The following CDH12 variants were observed in gnomAD, a reference collection of about 807,000 sequenced individuals.
The protein encoded by CDH12 is cadherin-12.
CDH12 carries 41 observed loss-of-function variants against 74.1 expected under a neutral mutation model. The observed-to-expected ratio is 0.55, with a 90% CI of 0.43 to 0.72. The LOEUF (loss-of-function observed/expected upper bound fraction) is 0.72. Among genes scored for constraint, CDH12 ranks in the 30% least tolerant of loss-of-function variants. The pLI, the probability that CDH12 is intolerant of heterozygous loss-of-function variation, is 0.00. For missense variants in CDH12, 945 were observed against 977.2 expected (o/e 0.97, Z 0.44); for synonymous variants, 399 against 355.0 (o/e 1.12, Z -1.39).
At chr5:21,774,801 A>T (rs1276164796) in intron 11 of CDH12, among the ~76,000 whole-genome samples, 1 of 152,246 alleles carries the variant, frequency 6.6e-6, no homozygotes. Context: ...ATTGACATCA[A>T]TTTGGAATTG....
At chr5:22,218,073 G>C (rs1010504714) in intron 3 of CDH12, among the ~76,000 whole-genome samples, 1 of 150,748 alleles carries the variant, frequency 6.6e-6, no homozygotes, top group Non-Finnish European at 1.5e-5. Flanking sequence ...AAATCAAAAA[G>C]AAAAAAAACT....
At position 22,153,863 on chromosome 5, in the gene CDH12, TATATATATGTATATATATATATATAA is replaced by T. The variant is rs1380132050; in HGVS notation, c.-187+58609_-187+58634del. On this transcript the variant is annotated intron_variant, in intron 4 of 14. Coordinates refer to ENST00000382254, the MANE Select transcript of CDH12 (RefSeq NM_004061.5). ...ATATACATATATGTGTGTGTGTATA[TATATATATGTATATATATATATATAA>T]ATATATATATATATACACACACATA... Among the ~76,000 whole-genome samples the T allele has an allele frequency of 2.1e-3, 129 of 62,038 alleles. 2 individuals are homozygous for T. The East Asian group carries it at 0.09, about 43-fold the overall frequency. 40.7% of individuals were successfully genotyped at this position (62,038 alleles called of 152,430 possible).
intron 3 of CDH12, among the ~76,000 whole-genome samples, chr5:22,309,278 A>T (rs983161679): frequency 3.3e-5 from 5 of 152,206 alleles, no homozygotes; most frequent in African/African-American, 1.2e-4. Context: ...TATGTTTCTA[A>T]ATGTTTCAAG....
chr5:22,345,606 A>T (rs2150459314), intron 3 of CDH12, among the ~76,000 whole-genome samples: 1 of 152,318 alleles, frequency 6.6e-6, no homozygotes, highest in Admixed American at 6.5e-5. Flanking sequence ...GCCATTACTG[A>T]TGGCTGTCAT....
At chr5:22,579,118 A>T (rs1191659576) in intron 1 of CDH12, among the ~76,000 whole-genome samples, 1 of 152,142 alleles carries the variant, frequency 6.6e-6, no homozygotes, top group African/African-American at 2.4e-5. Flanking sequence ...CTTAATCTCT[A>T]AATACTGGAA....
At chr5:22,327,469 T>G (rs2968388) in intron 3 of CDH12, among the ~76,000 whole-genome samples, 3 of 149,000 alleles carry the variant, frequency 2.0e-5, no homozygotes, top group Admixed American at 1.3e-4. Context: ...TGTGTGTGTG[T>G]GCATCTGTGT....
Position 21,941,808 on chromosome 5 carries a change from CTT to C in CDH12, c.526+33281_526+33282del, listed in dbSNP as rs61643635. On this transcript the variant is annotated intron_variant, in intron 6 of 14. Coordinates refer to ENST00000382254, the MANE Select transcript of CDH12 (RefSeq NM_004061.5). ...TTAATGGGGAGAACTGTGTGGCTGA[CTT>C]TTTTTTTTCCCAATCTAGCTTCCTC... Among the ~76,000 whole-genome samples the C allele has an allele frequency of 4.2e-3, 630 of 150,144 alleles. 3 individuals are homozygous for C. The highest frequency in any genetic ancestry group is 6.9e-3 in the Middle Eastern group (2 of 288).
At chr5:22,666,118 T>G (rs1267708797) in intron 1 of CDH12, among the ~76,000 whole-genome samples, 1 of 152,088 alleles carries the variant, frequency 6.6e-6, no homozygotes. Flanking sequence ...TTATTCACTC[T>G]TATTTACCTC....
At chr5:22,046,949 T>G (rs1262695150) in intron 5 of CDH12, among the ~76,000 whole-genome samples, 1 of 152,150 alleles carries the variant, frequency 6.6e-6, no homozygotes, top group African/African-American at 2.4e-5. Context: ...GGAAAAGAAA[T>G]TATGTTTGAG....
chr5:22,121,036 T>C (rs1745485303), intron 4 of CDH12, among the ~76,000 whole-genome samples: 1 of 152,200 alleles, frequency 6.6e-6, no homozygotes, highest in African/African-American at 2.4e-5. Context: ...TATCTCAAAA[T>C]TATAAGATTA....
intron 8 of CDH12, among the ~76,000 whole-genome samples, chr5:21,818,780 T>C (rs370377539): frequency 3.9e-5 from 6 of 151,990 alleles, no homozygotes; most frequent in Non-Finnish European, 1.5e-5. Flanking sequence ...TTCTCAAAAA[T>C]GCACTTAAAA....
chr5:22,538,828 G>T (rs1217528496), intron 1 of CDH12, among the ~76,000 whole-genome samples: 1 of 152,160 alleles, frequency 6.6e-6, no homozygotes, highest in South Asian at 2.1e-4. Flanking sequence ...CTAAAATAAG[G>T]TATTGCAGGT....
chr5:21,889,869 G>C, intron 6 of CDH12: 1 of 985,048 alleles, frequency 1.0e-6, no homozygotes, highest in Non-Finnish European at 1.2e-6. Flanking sequence ...AGAGGGCAGA[G>C]CTGCTTTTCT....
intron 1 of CDH12, among the ~76,000 whole-genome samples, chr5:22,562,197 G>C (rs967245583): frequency 2.0e-5 from 3 of 151,564 alleles, no homozygotes; most frequent in Admixed American, 1.3e-4. Flanking sequence ...GGCGCCTGTA[G>C]TCCCAGCTAC....
At chr5:22,509,635 A>T (rs1040885991) in intron 1 of CDH12, among the ~76,000 whole-genome samples, 1 of 152,140 alleles carries the variant, frequency 6.6e-6, no homozygotes, top group Non-Finnish European at 1.5e-5. Flanking sequence ...TGAAGGAAGG[A>T]ACTAATAATG....
chr5:22,462,110 A>G (rs921113472), intron 2 of CDH12, among the ~76,000 whole-genome samples: 1 of 152,184 alleles, frequency 6.6e-6, no homozygotes, highest in South Asian at 2.1e-4. Flanking sequence ...TTATAACAAC[A>G]AACTATCCAC....
At chr5:22,382,527 T>G (rs1741813780) in intron 3 of CDH12, among the ~76,000 whole-genome samples, 1 of 151,616 alleles carries the variant, frequency 6.6e-6, no homozygotes, top group South Asian at 2.1e-4. Context: ...GGCCACTGGT[T>G]ATGTAATACT....
chr5:22,399,487 T>C (rs1051780630), intron 3 of CDH12, among the ~76,000 whole-genome samples: 4 of 152,172 alleles, frequency 2.6e-5, no homozygotes, highest in Admixed American at 6.6e-5. Context: ...TTAAAGCTTT[T>C]CAGCCTCTTA....
intron 4 of CDH12, among the ~76,000 whole-genome samples, chr5:22,112,360 G>A (rs1199991481): frequency 6.6e-6 from 1 of 152,020 alleles, no homozygotes; most frequent in Non-Finnish European, 1.5e-5. Flanking sequence ...GCATTCATAT[G>A]TGTATACATA....
Sources: allele counts gnomAD v4.1 joint callset (sites outside exome capture counted in the v4.1 genomes callset), GRCh38; gene constraint gnomAD v4.1.1; transcripts MANE v1.5; gene names NCBI Gene and HGNC (gene_info 2026-07-23, HGNC 2026-07-21).